The following TIAM1 variants were observed in gnomAD, a reference collection of about 807,000 sequenced individuals.
TIAM1 encodes the protein TIAM Rac1 associated GEF 1.
In TIAM1, 65 loss-of-function variants were observed where a neutral mutation model predicts 163.5. That is an observed-to-expected ratio of 0.40 (90% CI 0.33 to 0.49). The LOEUF (loss-of-function observed/expected upper bound fraction) is 0.49. Ranked by LOEUF, TIAM1 falls within the 20% of genes least tolerant of loss-of-function variation. The pLI is 0.77. For synonymous variants in TIAM1, 833 were observed against 810.1 expected, an observed-to-expected ratio of 1.03 and a Z score of -0.48; for missense variants, 1,789 against 2,044.7, an observed-to-expected ratio of 0.87 and a Z score of 2.41.
intron 2 of TIAM1, among the ~76,000 whole-genome samples, chr21:31,369,576 C>T (rs573822292): frequency 3.3e-5 from 5 of 151,960 alleles, no homozygotes; most frequent in Admixed American, 6.6e-5. Context: ...ATGTTCCCAA[C>T]GTAAAAAAAT....
chr21:31,227,337 T>C (rs185265344), intron 6 of TIAM1, among the ~76,000 whole-genome samples: 1 of 152,170 alleles, frequency 6.6e-6, no homozygotes, highest in South Asian at 2.1e-4. Context: ...TAAGTCAAGA[T>C]AGTACTTTAT....
chr21:31,322,776 C>T (rs1378201689), intron 2 of TIAM1, among the ~76,000 whole-genome samples: 2 of 151,860 alleles, frequency 1.3e-5, no homozygotes, highest in Non-Finnish European at 2.9e-5. Context: ...AGGTCCCAAA[C>T]GCAATGACAT....
chr21:31,375,370 G>T (rs535935337), intron 2 of TIAM1, among the ~76,000 whole-genome samples: 2 of 152,152 alleles, frequency 1.3e-5, no homozygotes, highest in African/African-American at 2.4e-5. Flanking sequence ...ATATATCTCC[G>T]TGTAGTATAC....
At chr21:31,468,637 G>A (rs568390510) in intron 1 of TIAM1, among the ~76,000 whole-genome samples, 1 of 152,014 alleles carries the variant, frequency 6.6e-6, no homozygotes, top group East Asian at 1.9e-4. Context: ...TTAGCCAGGC[G>A]TGGTGTCGGG....
At chr21:31,418,980 G>A (rs1400813413) in intron 2 of TIAM1, among the ~76,000 whole-genome samples, 4 of 152,150 alleles carry the variant, frequency 2.6e-5, no homozygotes, top group African/African-American at 9.7e-5. Flanking sequence ...TTGAAGATGT[G>A]TGCAAATTAC....
In TIAM1 at chr21:31,238,772, G is replaced by A. The variant is rs114213756; in HGVS notation, c.1584+6716C>T. ...CTGACTCTTGCCCACGTTCTTCTTA[G>A]GGTCAACAGTAATAGGACAAATAGT... is the stretch of plus-strand genomic sequence containing the variant. On this transcript the variant is annotated intron_variant, in intron 6 of 27. Coordinates refer to ENST00000541036, the MANE Select transcript of TIAM1 (RefSeq NM_001353694.2). 7.4e-3 allele frequency among the ~76,000 whole-genome samples: 1,130 copies of A among 152,266 alleles called. 17 individuals are homozygous for A. Among genetic ancestry groups the A allele is most frequent in the African/African-American group, 0.026 (1,061 of 41,550 alleles).
chr21:31,215,910 C>T (rs2087175970), intron 9 of TIAM1, among the ~76,000 whole-genome samples: 1 of 152,298 alleles, frequency 6.6e-6, no homozygotes, highest in African/African-American at 2.4e-5. Context: ...TCTATAATCC[C>T]AGCACTTTGG....
chr21:31,212,430 C>A (rs2086930128), intron 10 of TIAM1, among the ~76,000 whole-genome samples: 1 of 152,050 alleles, frequency 6.6e-6, no homozygotes, highest in South Asian at 2.1e-4. Flanking sequence ...ATCCCCCACA[C>A]AAACAGGCTC....
At chr21:31,527,502 G>A (rs1451058319) in intron 1 of TIAM1, among the ~76,000 whole-genome samples, 1 of 152,138 alleles carries the variant, frequency 6.6e-6, no homozygotes, top group East Asian at 1.9e-4. Flanking sequence ...AGACAAAGAT[G>A]AGTGAGACAT....
chr21:31,363,673 T>C (rs769663761), intron 2 of TIAM1, among the ~76,000 whole-genome samples: 46 of 152,246 alleles, frequency 3.0e-4, no homozygotes, highest in Middle Eastern at 3.4e-3. Flanking sequence ...GATCACACGA[T>C]GAATGTCTTA....
chr21:31,142,463 CAA>C (rs34368848), intron 20 of TIAM1, among the ~76,000 whole-genome samples: 541 of 49,922 alleles, frequency 0.011, no homozygotes, highest in South Asian at 0.023. Flanking sequence ...ACTAAAAATA[CAA>C]AAAAAAAAAA....
chr21:31,292,101 C>T lies in TIAM1; in HGVS notation c.-188-15193G>A, dbSNP rs935942943. On this transcript the variant is annotated intron_variant, in intron 2 of 27. Coordinates refer to ENST00000541036, the MANE Select transcript of TIAM1 (RefSeq NM_001353694.2). ...ATTCACTGCATCTGTGACCTTAAGC[C>T]AGCCACTTAATATCCCTACGAATCA... 4.6e-5 allele frequency among the ~76,000 whole-genome samples: 7 copies of T among 152,214 alleles called. No individual in the cohort carries two copies. The South Asian group carries it at 1.4e-3, about 32-fold the overall frequency.
intron 2 of TIAM1, among the ~76,000 whole-genome samples, chr21:31,334,521 A>G (rs2075780841): frequency 6.6e-6 from 1 of 152,180 alleles, no homozygotes; most frequent in Non-Finnish European, 1.5e-5. Context: ...AATCCCACTG[A>G]TAAGGGCACC....
intron 11 of TIAM1, among the ~76,000 whole-genome samples, chr21:31,206,243 A>T (rs988173729): frequency 3.3e-5 from 5 of 152,208 alleles, no homozygotes; most frequent in African/African-American, 1.2e-4. Flanking sequence ...AGCCCTTGTT[A>T]ATCACGGCTG....
chr21:31,409,435 G>T (rs1462765508), intron 2 of TIAM1, among the ~76,000 whole-genome samples: 1 of 152,130 alleles, frequency 6.6e-6, no homozygotes, highest in Non-Finnish European at 1.5e-5. Flanking sequence ...AGATCTGACA[G>T]TCTCAAAGTT....
intron 15 of TIAM1, among the ~76,000 whole-genome samples, chr21:31,178,343 A>G (rs2084863749): frequency 8.5e-6 from 1 of 117,840 alleles, no homozygotes; most frequent in Non-Finnish European, 1.6e-5. Flanking sequence ...GAGTCTCGCT[A>G]TCGCCCAGGC....
At chr21:31,408,273 G>A (rs959445467) in intron 2 of TIAM1, among the ~76,000 whole-genome samples, 1 of 152,124 alleles carries the variant, frequency 6.6e-6, no homozygotes, top group African/African-American at 2.4e-5. Flanking sequence ...AAAGAAAAGA[G>A]AAAGACAAAG....
intron 20 of TIAM1, among the ~76,000 whole-genome samples, chr21:31,142,126 C>G (rs1282954334): frequency 6.6e-6 from 1 of 152,154 alleles, no homozygotes; most frequent in Non-Finnish European, 1.5e-5. Flanking sequence ...CCTCCTGACA[C>G]TGCATGTCCT....
At chr21:31,506,198 C>T (rs2047020640) in intron 1 of TIAM1, among the ~76,000 whole-genome samples, 1 of 151,356 alleles carries the variant, frequency 6.6e-6, no homozygotes, top group African/African-American at 2.4e-5. Flanking sequence ...GCTCCCTCCC[C>T]ATTTCCATCT....
Sources: gnomAD v4.1 joint callset for allele counts (sites outside exome capture counted in the v4.1 genomes callset) on GRCh38, gnomAD v4.1.1 for gene constraint, MANE v1.5 for transcripts, NCBI Gene and HGNC (gene_info 2026-07-23, HGNC 2026-07-21) for gene names.